The following FBXW10 variants were observed in gnomAD, a reference collection of about 807,000 sequenced individuals.
FBXW10 encodes F-box and WD repeat domain containing 10.
In FBXW10, 68 loss-of-function variants were observed where a neutral mutation model predicts 113.1. The observed-to-expected ratio is 0.60, with a 90% CI of 0.49 to 0.74. The LOEUF (loss-of-function observed/expected upper bound fraction) is 0.74, where lower values mean the gene tolerates loss of function less well. Among genes scored for constraint, FBXW10 ranks in the 30% least tolerant of loss-of-function variants. The probability of loss-of-function intolerance (pLI) is 0.00; values close to 1 mark genes in which losing one functional copy is unlikely to be tolerated. For missense variants in FBXW10, 753 were observed against 1,284.5 expected (o/e 0.59, Z 6.32); for synonymous variants, 289 against 481.6 (o/e 0.60, Z 5.24).
At chr17:18,759,721 T>C (rs187474154) in intron 7 of FBXW10, among the ~76,000 whole-genome samples, 38 of 152,222 alleles carry the variant, frequency 2.5e-4, no homozygotes, top group African/African-American at 8.9e-4. Flanking sequence ...CACACCATTC[T>C]CTTGCCTCAG....
Position 18,766,729 on chromosome 17 carries a change from C to A in FBXW10, c.1571C>A (p.Thr524Lys). ...DCQVKVWDVD[T>K]GKCLKTFRHK... is the part of the protein sequence containing the mutation. ...TCCTGTTCAGTATGGGATGTAGACA[C>A]AGGGAAGTGCCTGAAGACGTTTAGA... Residue 524 changes from threonine to lysine, a missense_variant, in exon 9 of 14, where the codon ACA (threonine) becomes AAA (lysine). Coordinates refer to ENST00000395665, the MANE Select transcript of FBXW10 (RefSeq NM_001267585.2). 1 of 1,613,742 alleles carries A rather than the reference C, an allele frequency of 6.2e-7. No homozygotes were observed. The highest frequency in any genetic ancestry group is 2.2e-5 in the East Asian group (1 of 44,886).
At chr17:18,744,994 C>T in intron 1 of FBXW10, 5 of 1,398,532 alleles carry the variant, frequency 3.6e-6, no homozygotes, top group Non-Finnish European at 3.7e-6. Context: ...ACTTTTAACT[C>T]ACAAGCATTT....
chr17:18,762,122 C>CCGG (rs2035397195), intron 7 of FBXW10, among the ~76,000 whole-genome samples: 1 of 151,360 alleles, frequency 6.6e-6, no homozygotes, highest in African/African-American at 2.4e-5. Context: ...ACCACCACGC[C>CCGG]TGGCTAATTT....
rs1251195284 is a variant in FBXW10, at chr17:18,751,163, G to A, written c.1122+110G>A. 2.8e-6 allele frequency: 4 copies of A among 1,419,670 alleles called. No individual in the cohort carries two copies. The South Asian group carries it at 5.3e-5, about 19-fold the overall frequency. The allele number at this position is 1,419,670 out of a possible 1,614,324, so 87.9% of individuals were successfully genotyped here. On this transcript the variant is annotated intron_variant, in intron 5 of 13. Coordinates refer to ENST00000395665, the MANE Select transcript of FBXW10 (RefSeq NM_001267585.2). ...GGAGTGAGGACAGAGGATCACGGCA[G>A]GTGACACTCCTTAAGGAAGACGAGA...
rs142568223 is a variant in FBXW10, at chr17:18,766,747, C to T, written c.1589C>T (p.Thr530Met). The T allele has an allele frequency of 5.6e-6, 9 of 1,613,538 alleles. No homozygotes were observed. The highest frequency in any genetic ancestry group is 2.7e-5 in the African/African-American group (2 of 74,878). ...WDVDTGKCLKTFRHKDPILAT... is the reference protein window; with the variant it reads ...WDVDTGKCLKMFRHKDPILAT... ...GTAGACACAGGGAAGTGCCTGAAGA[C>T]GTTTAGACACAAAGACCCCATCTTG... Residue 530 changes from threonine (T) to methionine (M), a missense_variant, in exon 9 of 14, where the codon ACG becomes ATG. Transcript: ENST00000395665.
rs146517457 is a variant in FBXW10, at chr17:18,770,018, T to A, written c.1939T>A (p.Cys647Ser). The A allele has an allele frequency of 6.2e-7, 1 of 1,614,206 alleles. No homozygotes were observed. The highest frequency in any genetic ancestry group is 8.5e-7 in the Non-Finnish European group (1 of 1,180,038). Residue 647 changes from cysteine to serine, a missense_variant, in exon 11 of 14, where the codon TGT becomes AGT. Transcript: ENST00000395665. ...IRIYNFLNGNCMKVLKANGRG... is the reference protein window; with the variant it reads ...IRIYNFLNGNSMKVLKANGRG... ...AATTTACAATTTCCTCAACGGGAAC[T>A]GTATGAAGGTGTTAAAAGCCAATGG...
chr17:18,750,720 T>C (rs1018909102), intron 4 of FBXW10, among the ~76,000 whole-genome samples: 3 of 152,072 alleles, frequency 2.0e-5, no homozygotes, highest in African/African-American at 7.2e-5. Context: ...CTGGTCCCCC[T>C]GTGGCATTTG....
chr17:18,745,369 C>T (rs1339472562), intron 1 of FBXW10: 2 of 552,822 alleles, frequency 3.6e-6, no homozygotes, highest in Non-Finnish European at 4.6e-6. Context: ...GCTCCTCCCC[C>T]AGAACTTCGG....
intron 5 of FBXW10, among the ~76,000 whole-genome samples, chr17:18,754,332 G>C (rs1404464282): frequency 6.6e-6 from 1 of 152,014 alleles, no homozygotes; most frequent in African/African-American, 2.4e-5. Context: ...ATTCAGGCTG[G>C]GATATGGAAA....
chr17:18,747,869 G>A (rs1220715351), intron 1 of FBXW10, 72 bp from the exon 2 acceptor site: 6 of 1,604,774 alleles, frequency 3.7e-6, no homozygotes, highest in Non-Finnish European at 4.3e-6. Flanking sequence ...AAATGAAAAA[G>A]TTTCTCTCCA....
chr17:18,758,404 G>C lies in FBXW10; in HGVS notation c.1332G>C (p.Ala444=), dbSNP rs373654877. The C allele has an allele frequency of 1.1e-4, 183 of 1,610,600 alleles. No individual in the cohort carries two copies. The African/African-American group carries it at 1.7e-3, about 15-fold the overall frequency. Residue 444 remains alanine (A), a synonymous_variant, in exon 7 of 14, where the codon GCG becomes GCC. Transcript: ENST00000395665. ...TTCTGGACATCATACAAGTGAAAGCGATACCCGTTGAATTCCGAGGCCATG... is the reference window on the plus strand; with the variant it reads ...TTCTGGACATCATACAAGTGAAAGCCATACCCGTTGAATTCCGAGGCCATG... The part of the protein sequence containing the change: ...IHLLDIIQVK[A]IPVEFRGHAG...
chr17:18,772,347 C>T, intron 11 of FBXW10, 65 bp from the exon 12 acceptor site: 1 of 1,472,234 alleles, frequency 6.8e-7, no homozygotes, highest in South Asian at 1.3e-5. Flanking sequence ...GGGATGGTAA[C>T]TGCAGTGCAT....
At chr17:18,764,615 C>T in intron 7 of FBXW10, 127 bp from the exon 8 acceptor site, 1 of 1,466,844 alleles carries the variant, frequency 6.8e-7, no homozygotes, top group Non-Finnish European at 9.1e-7. Flanking sequence ...AATCCAGGCC[C>T]CTGACTCTAA....
rs762917745 is a variant in FBXW10, at chr17:18,768,548, T to C, written c.1719T>C (p.His573=). 21 of 1,613,972 alleles carry C rather than the reference T, an allele frequency of 1.3e-5. No homozygotes were observed. The highest frequency in any genetic ancestry group is 1.0e-4 in the Admixed American group (6 of 59,978). Residue 573 remains histidine, a synonymous_variant, in exon 10 of 14, where the codon CAT becomes CAC. Transcript: ENST00000395665. Reference sequence around the variant, plus strand: ...TTTTCTTGCAGACTCTCAGTGGCCATGAGGGAGCCGTGAAATGCCTGTTCT... The same window carrying C: ...TTTTCTTGCAGACTCTCAGTGGCCACGAGGGAGCCGTGAAATGCCTGTTCT... ...MAQLVKTLSG[H]EGAVKCLFFD...
chr17:18,772,748 G>A (rs777087025), intron 12 of FBXW10, 65 bp downstream of exon 12: 16 of 1,416,724 alleles, frequency 1.1e-5, no homozygotes, highest in Non-Finnish European at 1.4e-5. Flanking sequence ...TTTGGTGGGG[G>A]TGGTGGGAGA....
At chr17:18,760,867 C>T (rs564244983) in intron 7 of FBXW10, among the ~76,000 whole-genome samples, 9 of 151,102 alleles carry the variant, frequency 6.0e-5, no homozygotes, top group African/African-American at 2.2e-4. Context: ...ATTCTTCCCT[C>T]TTCTAGGTCA....
chr17:18,745,140 T>C, intron 1 of FBXW10: 1 of 1,078,306 alleles, frequency 9.3e-7, no homozygotes, highest in Non-Finnish European at 1.1e-6. Flanking sequence ...TGTTTTTCTC[T>C]TCAGCTGCCC....
At chr17:18,759,046 T>G (rs2035328880) in intron 7 of FBXW10, among the ~76,000 whole-genome samples, 1 of 152,034 alleles carries the variant, frequency 6.6e-6, no homozygotes, top group Non-Finnish European at 1.5e-5. Flanking sequence ...GGCGGGTGCC[T>G]GTAGTCCCAG....
intron 7 of FBXW10, among the ~76,000 whole-genome samples, chr17:18,763,025 G>A (rs2035416650): frequency 6.7e-6 from 1 of 148,948 alleles, no homozygotes; most frequent in African/African-American, 2.5e-5. Flanking sequence ...TGAGAAACTG[G>A]TAAGGCATTG....
Sources: gnomAD v4.1 joint callset for allele counts (sites outside exome capture counted in the v4.1 genomes callset) on GRCh38, gnomAD v4.1.1 for gene constraint, MANE v1.5 for transcripts, NCBI Gene and HGNC (gene_info 2026-07-23, HGNC 2026-07-21) for gene names.